Variants in DRC11 observed in about 807,000 individuals in gnomAD.
The protein encoded by DRC11 is IQ and AAA domain-containing protein 1.
the DRC11 span, chr2:236,441,076 C>G: frequency 6.4e-7 from 1 of 1,561,606 alleles, no homozygotes; most frequent in Non-Finnish European, 8.7e-7. Context: ...TAATAGCTGA[C>G]CCTCCTTCTT....
At chr2:236,318,858 A>G in the DRC11 span, among the ~76,000 whole-genome samples, 19 of 152,128 alleles carry the variant, frequency 1.2e-4, no homozygotes, top group East Asian at 2.9e-3. This position sits in a 1 kb window ranked among gnomAD's most constrained non-coding sequence, Gnocchi z 7.0. Context: ...TCTTGACAGC[A>G]CCCGGCTCAT....
chr2:236,350,977 G>A, the DRC11 span, among the ~76,000 whole-genome samples: 1 of 152,196 alleles, frequency 6.6e-6, no homozygotes, highest in Non-Finnish European at 1.5e-5. The surrounding 1 kb of genome is among the most constrained non-coding windows in gnomAD (Gnocchi z 5.2). Context: ...AAGGGACAGA[G>A]GCTGCTTCTC....
the DRC11 span, among the ~76,000 whole-genome samples, chr2:236,440,567 C>T: frequency 6.6e-6 from 1 of 152,040 alleles, no homozygotes; most frequent in African/African-American, 2.4e-5. Flanking sequence ...GTGTTTCACT[C>T]GAAAAAAGGC....
At chr2:236,460,355 G>A in the DRC11 span, among the ~76,000 whole-genome samples, 3 of 152,144 alleles carry the variant, frequency 2.0e-5, no homozygotes, top group East Asian at 1.9e-4. The surrounding 1 kb of genome is among the most constrained non-coding windows in gnomAD (Gnocchi z 4.0). Context: ...AACGGAGAGC[G>A]TGCTCCCAGG....
the DRC11 span, among the ~76,000 whole-genome samples, chr2:236,401,128 C>T: frequency 1.3e-5 from 2 of 152,200 alleles, no homozygotes; most frequent in Non-Finnish European, 2.9e-5. This position sits in a 1 kb window ranked among gnomAD's most constrained non-coding sequence, Gnocchi z 4.6. Flanking sequence ...GCAGACCACA[C>T]ACAACCCCCA....
chr2:236,374,278 C>T, the DRC11 span, among the ~76,000 whole-genome samples: 1 of 152,208 alleles, frequency 6.6e-6, no homozygotes, highest in Non-Finnish European at 1.5e-5. Flanking sequence ...GGAAGATACA[C>T]TGCCATCTTT....
At chr2:236,376,558 G>A in the DRC11 span, among the ~76,000 whole-genome samples, 1 of 152,196 alleles carries the variant, frequency 6.6e-6, no homozygotes, top group Non-Finnish European at 1.5e-5. The surrounding 1 kb of genome is among the most constrained non-coding windows in gnomAD (Gnocchi z 5.7). Flanking sequence ...CGGTAGTACA[G>A]TTATGAGGAA....
At chr2:236,455,547 G>A in the DRC11 span, among the ~76,000 whole-genome samples, 1 of 152,276 alleles carries the variant, frequency 6.6e-6, no homozygotes, top group East Asian at 1.9e-4. This position sits in a 1 kb window ranked among gnomAD's most constrained non-coding sequence, Gnocchi z 5.7. Flanking sequence ...GCGACATTCT[G>A]TCCATTGCCC....
chr2:236,357,683 C>T, the DRC11 span, among the ~76,000 whole-genome samples: 234 of 84,698 alleles, frequency 2.8e-3, 2 homozygotes, highest in African/African-American at 9.5e-3. Context: ...TATATATTTA[C>T]AATATGTAAA....
the DRC11 span, chr2:236,368,242 G>T: frequency 1.2e-6 from 2 of 1,611,182 alleles, no homozygotes; most frequent in Non-Finnish European, 1.7e-6. Context: ...ACATCCAGGA[G>T]GGAGGGCATG....
At chr2:236,454,418 C>G in the DRC11 span, among the ~76,000 whole-genome samples, 1 of 152,158 alleles carries the variant, frequency 6.6e-6, no homozygotes, top group Non-Finnish European at 1.5e-5. This position sits in a 1 kb window ranked among gnomAD's most constrained non-coding sequence, Gnocchi z 5.3. Flanking sequence ...AATATCTTTT[C>G]CACCAAAGCA....
the DRC11 span, among the ~76,000 whole-genome samples, chr2:236,404,780 G>A: frequency 2.6e-5 from 4 of 152,144 alleles, no homozygotes; most frequent in African/African-American, 4.8e-5. Flanking sequence ...TGACTTGACC[G>A]GCTCAGGCTG....
At chr2:236,493,817 T>G in the DRC11 span, 1 of 1,608,616 alleles carries the variant, frequency 6.2e-7, no homozygotes, top group Non-Finnish European at 8.5e-7. Context: ...AGCAAGAATT[T>G]TCTCTCTTCC....
At chr2:236,377,061 G>T in the DRC11 span, 1 of 1,262,996 alleles carries the variant, frequency 7.9e-7, no homozygotes, top group East Asian at 2.3e-5. This position sits in a 1 kb window ranked among gnomAD's most constrained non-coding sequence, Gnocchi z 4.9. Context: ...AACACAAGAG[G>T]TGACACGTGA....
chr2:236,317,302 A>AGG, the DRC11 span, among the ~76,000 whole-genome samples: 20 of 151,868 alleles, frequency 1.3e-4, no homozygotes, highest in East Asian at 1.6e-3. The surrounding 1 kb of genome is among the most constrained non-coding windows in gnomAD (Gnocchi z 5.4). Flanking sequence ...ATCGGGGGAA[A>AGG]AAAAAAAAAA....
At chr2:236,331,264 G>A in the DRC11 span, 27 of 906,680 alleles carry the variant, frequency 3.0e-5, no homozygotes, top group East Asian at 4.8e-5. This position sits in a 1 kb window ranked among gnomAD's most constrained non-coding sequence, Gnocchi z 4.8. Flanking sequence ...GTATATGGCC[G>A]AGTTCCAATT....
chr2:236,498,955 G>A, the DRC11 span, among the ~76,000 whole-genome samples: 1 of 152,178 alleles, frequency 6.6e-6, no homozygotes, highest in African/African-American at 2.4e-5. Flanking sequence ...TAGAAAGTGG[G>A]TGTGGAGAGC....
chr2:236,323,254 C>A, the DRC11 span, among the ~76,000 whole-genome samples: 1 of 152,174 alleles, frequency 6.6e-6, no homozygotes, highest in Admixed American at 6.5e-5. This position sits in a 1 kb window ranked among gnomAD's most constrained non-coding sequence, Gnocchi z 6.4. Flanking sequence ...ATCTTGGAGA[C>A]AGGAATGTCA....
the DRC11 span, among the ~76,000 whole-genome samples, chr2:236,477,176 C>T: frequency 6.6e-6 from 1 of 152,014 alleles, no homozygotes; most frequent in Admixed American, 6.5e-5. Context: ...TGGTGACACA[C>T]ACAGTAAAAA....
Sources: allele counts gnomAD v4.1 joint callset (sites outside exome capture counted in the v4.1 genomes callset), GRCh38; gene constraint gnomAD v4.1.1; non-coding constraint Gnocchi (gnomAD v3.1); transcripts MANE v1.5; gene names NCBI Gene and HGNC (gene_info 2026-07-23, HGNC 2026-07-21).